MARCHF3: variants seen among roughly 807,000 people sequenced by gnomAD.
MARCHF3 encodes membrane associated ring-CH-type finger 3.
In MARCHF3, 13 loss-of-function variants were observed where a neutral mutation model predicts 24.2. That is an observed-to-expected ratio of 0.54 (90% CI 0.35 to 0.85). The LOEUF (loss-of-function observed/expected upper bound fraction) is 0.85, where lower values mean the gene tolerates loss of function less well. Among genes scored for constraint, MARCHF3 ranks in the 40% least tolerant of loss-of-function variants. MARCHF3 has a pLI of 0.01. For synonymous variants in MARCHF3, 144 were observed against 137.3 expected (o/e 1.05, Z -0.34); for missense variants, 276 against 325.0 (o/e 0.85, Z 1.16).
chr5:126,901,423 A>C (rs970235428), intron 3 of MARCHF3, among the ~76,000 whole-genome samples: 10 of 152,082 alleles, frequency 6.6e-5, no homozygotes, highest in Non-Finnish European at 5.9e-5. Context: ...GGAAAGTAAA[A>C]TTCTTTGCAC....
chr5:126,884,843 TAGTC>T (rs993511084), intron 3 of MARCHF3, among the ~76,000 whole-genome samples: 26 of 152,252 alleles, frequency 1.7e-4, no homozygotes, highest in Middle Eastern at 6.8e-3. Flanking sequence ...CCCAAAACAA[TAGTC>T]AGGGTGAGCG....
chr5:126,997,518 G>C (rs1305394745), intron 1 of MARCHF3, among the ~76,000 whole-genome samples: 5 of 152,182 alleles, frequency 3.3e-5, no homozygotes, highest in African/African-American at 1.2e-4. Context: ...CCCTTACCAG[G>C]TAGAACTTCC....
chr5:126,955,912 T>A (rs1447892948), intron 1 of MARCHF3, among the ~76,000 whole-genome samples: 1 of 152,250 alleles, frequency 6.6e-6, no homozygotes, highest in Non-Finnish European at 1.5e-5. Context: ...TTCTTTCTAA[T>A]AATTTTAAAG....
chr5:126,972,546 G>A (rs1162396506), intron 1 of MARCHF3, among the ~76,000 whole-genome samples: 7 of 152,212 alleles, frequency 4.6e-5, no homozygotes, highest in East Asian at 3.9e-4. Flanking sequence ...CCCAGGCCTC[G>A]GGTGTGCCAT....
At chr5:127,015,518 A>G (rs935354542) in intron 1 of MARCHF3, among the ~76,000 whole-genome samples, 1 of 152,224 alleles carries the variant, frequency 6.6e-6, no homozygotes, top group Non-Finnish European at 1.5e-5. Flanking sequence ...AGGGAAAGAA[A>G]AAAACACAAA....
intron 3 of MARCHF3, among the ~76,000 whole-genome samples, chr5:126,887,220 G>A (rs528503744): frequency 6.6e-6 from 1 of 151,988 alleles, no homozygotes; most frequent in African/African-American, 2.4e-5. Flanking sequence ...GGAGTCCACA[G>A]ATAGGATTCA....
intron 3 of MARCHF3, among the ~76,000 whole-genome samples, chr5:126,893,118 G>T (rs1753755065): frequency 6.6e-6 from 1 of 151,940 alleles, no homozygotes; most frequent in Non-Finnish European, 1.5e-5. Flanking sequence ...TTGTATTTCT[G>T]TGGGATCGGT....
intron 3 of MARCHF3, among the ~76,000 whole-genome samples, chr5:126,878,809 C>T (rs750868394): frequency 2.0e-5 from 3 of 152,246 alleles, no homozygotes; most frequent in East Asian, 3.9e-4. Flanking sequence ...TTGCTCAAGC[C>T]CCGCACATTC....
chr5:126,927,608 AG>A (rs1749338118), intron 1 of MARCHF3, among the ~76,000 whole-genome samples: 1 of 152,082 alleles, frequency 6.6e-6, no homozygotes, highest in South Asian at 2.1e-4. Flanking sequence ...CACCTGTTGG[AG>A]TGCTGGCTCC....
At chr5:126,902,427 G>T (rs1244792146) in intron 3 of MARCHF3, among the ~76,000 whole-genome samples, 1 of 152,120 alleles carries the variant, frequency 6.6e-6, no homozygotes, top group Non-Finnish European at 1.5e-5. Flanking sequence ...GGTGGACAGA[G>T]GTCCTCTTGA....
chr5:127,011,303 C>T (rs959862913), intron 1 of MARCHF3, among the ~76,000 whole-genome samples: 1 of 152,124 alleles, frequency 6.6e-6, no homozygotes, highest in Non-Finnish European at 1.5e-5. Context: ...AATAAGGCTC[C>T]GATGACTGAT....
chr5:126,929,595 T>C (rs1291523652), intron 1 of MARCHF3, among the ~76,000 whole-genome samples: 1 of 152,222 alleles, frequency 6.6e-6, no homozygotes, highest in East Asian at 1.9e-4. Context: ...TCATGAGCAC[T>C]GCTTAATTCT....
chr5:126,914,767 A>ACAC (rs1754658481), intron 3 of MARCHF3, 163 bp downstream of exon 3: 53 of 484,390 alleles, frequency 1.1e-4, no homozygotes, highest in African/African-American at 7.4e-4. Flanking sequence ...CTCTTTCTCA[A>ACAC]ACACACACAC....
chr5:126,934,682 TGAAG>T (rs1749584740), intron 1 of MARCHF3, among the ~76,000 whole-genome samples: 2 of 145,536 alleles, frequency 1.4e-5, no homozygotes, highest in Admixed American at 1.4e-4. Context: ...GAAGAAAGAA[TGAAG>T]GAAGAAAGGA....
In MARCHF3 at chr5:126,868,265, C is replaced by G. The variant is rs1026087430; in HGVS notation, c.*2368G>C. On this transcript the variant is annotated 3_prime_UTR_variant, in exon 5 of 5. Coordinates refer to ENST00000308660, the MANE Select transcript of MARCHF3 (RefSeq NM_178450.5). ...ATATCCTCCAAGAGTTCAGAATCCC[C>G]TATGGGCCCTGATGCTGATGGAGAT... is the stretch of plus-strand genomic sequence containing the variant. 1 of 152,170 alleles carries G rather than the reference C, an allele frequency of 6.6e-6. No individual in the cohort carries two copies. Among genetic ancestry groups the G allele is most frequent in the South Asian group, 2.1e-4 (1 of 4,826 alleles). 9.4% of individuals were successfully genotyped at this position (152,170 alleles called of 1,614,324 possible).
intron 1 of MARCHF3, among the ~76,000 whole-genome samples, chr5:126,950,102 G>A (rs1351756360): frequency 6.6e-6 from 1 of 152,014 alleles, no homozygotes; most frequent in Non-Finnish European, 1.5e-5. Context: ...GCCCCTTGAT[G>A]TCCTCCTGAC....
intron 1 of MARCHF3, among the ~76,000 whole-genome samples, chr5:126,992,506 A>C (rs1409953531): frequency 1.3e-5 from 2 of 152,186 alleles, no homozygotes; most frequent in African/African-American, 4.8e-5. Context: ...AAAGTGAGTA[A>C]AATACAAAAA....
intron 3 of MARCHF3, among the ~76,000 whole-genome samples, chr5:126,887,157 C>T (rs1753533864): frequency 6.6e-6 from 1 of 152,046 alleles, no homozygotes; most frequent in Non-Finnish European, 1.5e-5. Flanking sequence ...TAGCCTAACA[C>T]CTTACCATGG....
chr5:126,871,041 C>T (rs1429788295), intron 4 of MARCHF3, among the ~76,000 whole-genome samples: 5 of 152,102 alleles, frequency 3.3e-5, no homozygotes, highest in East Asian at 3.8e-4. Context: ...CTCCTCATAC[C>T]GGGTAAATTC....
Sources: allele counts gnomAD v4.1 joint callset (sites outside exome capture counted in the v4.1 genomes callset), GRCh38; gene constraint gnomAD v4.1.1; transcripts MANE v1.5; gene names NCBI Gene and HGNC (gene_info 2026-07-23, HGNC 2026-07-21).